Variants in RELL1 observed in about 807,000 individuals in gnomAD.
RELL1 encodes RELT-like protein 1.
A neutral mutation model predicts 23.0 loss-of-function variants in RELL1; 10 were observed. The ratio of observed to expected loss-of-function variants is 0.43; its 90% CI spans 0.27 to 0.74. The LOEUF (loss-of-function observed/expected upper bound fraction) is 0.74, where lower values mean the gene tolerates loss of function less well. Ranked by LOEUF, RELL1 falls within the 30% of genes least tolerant of loss-of-function variation. RELL1 has a pLI of 0.19. For missense variants in RELL1, 315 were observed against 364.4 expected (o/e 0.86, Z 1.10); for synonymous variants, 146 against 146.8 (o/e 0.99, Z 0.04).
At chr4:37,618,987 C>T (rs1719675067) in intron 6 of RELL1, among the ~76,000 whole-genome samples, 1 of 152,090 alleles carries the variant, frequency 6.6e-6, no homozygotes, top group Non-Finnish European at 1.5e-5. Context: ...TCAAGTGATT[C>T]TCCTGCCTCA....
At chr4:37,590,062 A>T, downstream of RELL1, 1 of 1,568,268 alleles carries the variant, frequency 6.4e-7, no homozygotes, top group Non-Finnish European at 8.7e-7. Flanking sequence ...AGCAGACCTG[A>T]CTGGTTTTCA....
intron 1 of RELL1, among the ~76,000 whole-genome samples, chr4:37,656,292 C>T (rs1042760814): frequency 6.6e-6 from 1 of 152,110 alleles, no homozygotes; most frequent in African/African-American, 2.4e-5. Flanking sequence ...TATATGGTAT[C>T]TAAAATAGTC....
At chr4:37,653,589 C>T (rs1721026037) in intron 1 of RELL1, among the ~76,000 whole-genome samples, 2 of 152,090 alleles carry the variant, frequency 1.3e-5, no homozygotes, top group Non-Finnish European at 2.9e-5. Context: ...TGACTGAGAC[C>T]CGTCTCAGAT....
At chr4:37,629,968 C>T (rs1318861236) in intron 6 of RELL1, among the ~76,000 whole-genome samples, 7 of 152,184 alleles carry the variant, frequency 4.6e-5, no homozygotes, top group Admixed American at 2.0e-4. Flanking sequence ...AGGCAAAGAG[C>T]ACCACTTCCA....
chr4:37,658,408 A>AGCC (rs1721204406), intron 1 of RELL1, among the ~76,000 whole-genome samples: 1 of 152,246 alleles, frequency 6.6e-6, no homozygotes, highest in Admixed American at 6.5e-5. Flanking sequence ...TACTAACAAC[A>AGCC]GCCACCACCA....
At chr4:37,670,211 T>G (rs1721786070) in intron 1 of RELL1, among the ~76,000 whole-genome samples, 2 of 90,980 alleles carry the variant, frequency 2.2e-5, no homozygotes, top group Non-Finnish European at 4.8e-5. Flanking sequence ...TAATCGATAG[T>G]TTTTTTTTTT....
At chr4:37,661,696 ATAAC>A (rs1199089400) in intron 1 of RELL1, among the ~76,000 whole-genome samples, 2 of 152,248 alleles carry the variant, frequency 1.3e-5, no homozygotes, top group Non-Finnish European at 2.9e-5. Context: ...GGTTACAGAG[ATAAC>A]TAAAGTCACA....
rs569194599 is a variant in RELL1, at chr4:37,660,283, T to TA, written c.89-10784dup. 1.1e-4 allele frequency among the ~76,000 whole-genome samples: 16 copies of TA among 152,084 alleles called. No homozygotes were observed. In the South Asian group the frequency reaches 3.1e-3, roughly 30 times the overall value. Reference sequence around the variant, plus strand: ...CTCCCTGGGCCTCAGTTTCCTCATCTAAAAAATTACAAGCAGGAGCTGATG... The same window carrying TA: ...CTCCCTGGGCCTCAGTTTCCTCATCTAAAAAAATTACAAGCAGGAGCTGATG... On this transcript the variant is annotated intron_variant, in intron 1 of 6. Transcript: ENST00000454158.
chr4:37,645,793 A>G lies in RELL1; in HGVS notation c.385+1575T>C, dbSNP rs556942609. 3.9e-5 allele frequency among the ~76,000 whole-genome samples: 6 copies of G among 152,388 alleles called. No homozygotes were observed. In the South Asian group the frequency reaches 1.2e-3, roughly 32 times the overall value. On this transcript the variant is annotated intron_variant, in intron 3 of 6. Coordinates refer to ENST00000454158, the MANE Select transcript of RELL1 (RefSeq NM_001085400.2). ...TTACGTATATAAAGCACCCAGATCT[A>G]TGCCAAAAGCATAAAGCACATTCTA...
intron 3 of RELL1, among the ~76,000 whole-genome samples, chr4:37,644,686 CT>C (rs1720648998): frequency 6.6e-6 from 1 of 151,978 alleles, no homozygotes; most frequent in African/African-American, 2.4e-5. Flanking sequence ...TCTCGAACTC[CT>C]GACCTCAAGT....
At chr4:37,618,837 C>T (rs187222497) in intron 6 of RELL1, among the ~76,000 whole-genome samples, 12 of 152,142 alleles carry the variant, frequency 7.9e-5, no homozygotes, top group African/African-American at 2.9e-4. Flanking sequence ...CTCCCTGCAC[C>T]CTCTTGATTT....
chr4:37,592,358 A>T (rs982743178), intron 6 of RELL1, among the ~76,000 whole-genome samples: 2 of 150,868 alleles, frequency 1.3e-5, no homozygotes, highest in Admixed American at 1.3e-4. Context: ...TCTATGAAAA[A>T]AAAAAAAAAA....
intron 1 of RELL1, among the ~76,000 whole-genome samples, chr4:37,664,827 CAGA>C (rs544843992): frequency 6.6e-4 from 100 of 152,130 alleles, no homozygotes; most frequent in African/African-American, 2.3e-3. Flanking sequence ...ATGAGCCAAG[CAGA>C]AGAACCAAAG....
At chr4:37,637,239 G>A (rs761197202) in intron 4 of RELL1, among the ~76,000 whole-genome samples, 17 of 152,184 alleles carry the variant, frequency 1.1e-4, no homozygotes, top group Non-Finnish European at 1.5e-4. Context: ...ATGACTCTAC[G>A]TCTCTCCTAA....
intron 6 of RELL1, among the ~76,000 whole-genome samples, chr4:37,602,521 C>T (rs1283978818): frequency 6.6e-6 from 1 of 152,014 alleles, no homozygotes; most frequent in East Asian, 1.9e-4. Context: ...CGGCTCAACT[C>T]GACTCAGACA....
At chr4:37,634,039 C>G (rs912495137) in intron 5 of RELL1, among the ~76,000 whole-genome samples, 3 of 152,240 alleles carry the variant, frequency 2.0e-5, no homozygotes, top group Non-Finnish European at 4.4e-5. Context: ...CACTGTCTTT[C>G]CAAATGCAAC....
chr4:37,677,475 T>C lies in RELL1; in HGVS notation c.88+8725A>G, dbSNP rs527664575. Among the ~76,000 whole-genome samples, 30 of 152,290 alleles carry C rather than the reference T, an allele frequency of 2.0e-4. No individual in the cohort carries two copies. The Middle Eastern group carries it at 0.01, about 52-fold the overall frequency. On this transcript the variant is annotated intron_variant, in intron 1 of 6. Coordinates refer to ENST00000454158, the MANE Select transcript of RELL1 (RefSeq NM_001085400.2). ...CAAAGAGCCACGAGAAGATGAACAA[T>C]AAGCACTCAGACCCTGGATAATCAC...
intron 3 of RELL1, among the ~76,000 whole-genome samples, chr4:37,646,676 T>C (rs1295046994): frequency 1.3e-5 from 2 of 152,234 alleles, no homozygotes; most frequent in Admixed American, 6.5e-5. Context: ...GAGCACTCTA[T>C]GTGTGCTATG....
intron 6 of RELL1, among the ~76,000 whole-genome samples, chr4:37,630,302 A>G (rs1577575192): frequency 6.6e-6 from 1 of 150,826 alleles, no homozygotes; most frequent in East Asian, 2.0e-4. Context: ...AGGAGTTAAG[A>G]TGAAAGTTAA....
Sources: gnomAD v4.1 joint callset for allele counts (sites outside exome capture counted in the v4.1 genomes callset) on GRCh38, gnomAD v4.1.1 for gene constraint, MANE v1.5 for transcripts, NCBI Gene and HGNC (gene_info 2026-07-23, HGNC 2026-07-21) for gene names.